The following GOLGA2 variants were observed in gnomAD, a reference collection of about 807,000 sequenced individuals.
GOLGA2 encodes golgin A2.
GOLGA2 carries 49 observed loss-of-function variants against 148.8 expected under a neutral mutation model. The observed-to-expected ratio is 0.33, with a 90% confidence interval of 0.26 to 0.42. The LOEUF (loss-of-function observed/expected upper bound fraction) is 0.42, where lower values mean the gene tolerates loss of function less well. Ranked by LOEUF, GOLGA2 falls within the 10% of genes least tolerant of loss-of-function variation. The probability of loss-of-function intolerance (pLI) is 1.00; values close to 1 mark genes in which losing one functional copy is unlikely to be tolerated. For synonymous variants in GOLGA2, 501 were observed against 511.8 expected, an observed-to-expected ratio of 0.98 and a Z score of 0.28; for missense variants, 1,178 against 1,304.6, an observed-to-expected ratio of 0.90 and a Z score of 1.49.
At chr9:128,268,358 A>G in intron 4 of GOLGA2, 62 bp downstream of exon 4, 1 of 1,088,294 alleles carries the variant, frequency 9.2e-7, no homozygotes, top group Non-Finnish European at 1.4e-6. Context: ...TGCCTGTGAA[A>G]GGAGAAGATA....
Position 128,260,050 on chromosome 9 carries a change from GC to G in GOLGA2, c.1872+25del. 1 of 1,523,442 alleles carries G rather than the reference GC, an allele frequency of 6.6e-7. No homozygotes were observed. The highest frequency in any genetic ancestry group is 9.1e-7 in the Non-Finnish European group (1 of 1,104,826). 94.4% of individuals were successfully genotyped at this position (1,523,442 alleles called of 1,614,324 possible). On this transcript the variant is annotated intron_variant, in intron 19 of 26. Coordinates refer to ENST00000611957, the MANE Select transcript of GOLGA2 (RefSeq NM_001366244.2). The surrounding 1 kb of genome is among the most constrained non-coding windows in gnomAD (Gnocchi z 4.8). ...CCCAGAGGCTGGTGCCCGCCTCCCA[GC>G]CCTTCTTGGATGGGGCGGGGTTACC... is the stretch of plus-strand genomic sequence containing the variant.
chr9:128,258,340 G>T lies in GOLGA2; in HGVS notation c.2289+115C>A. On this transcript the variant is annotated intron_variant, in intron 22 of 26. Coordinates refer to ENST00000611957, the MANE Select transcript of GOLGA2 (RefSeq NM_001366244.2). The surrounding 1 kb of genome is among the most constrained non-coding windows in gnomAD (Gnocchi z 6.6). Reference sequence around the variant, plus strand: ...AATGGTGTCTCACCACTGGCTCCCAGGAAAGGGGTGAGGGTCCGAAGAAAT... The same window carrying T: ...AATGGTGTCTCACCACTGGCTCCCATGAAAGGGGTGAGGGTCCGAAGAAAT... 1 of 1,176,656 alleles carries T rather than the reference G, an allele frequency of 8.5e-7. No homozygotes were observed. The highest frequency in any genetic ancestry group is 1.2e-6 in the Non-Finnish European group (1 of 801,564). 72.9% of individuals were successfully genotyped at this position (1,176,656 alleles called of 1,614,324 possible). A position where few individuals can be genotyped will look rare whatever the true frequency, so the allele number is the denominator to read the frequency against.
Position 128,257,549 on chromosome 9 carries a change from C to T in GOLGA2, c.2719-24G>A, listed in dbSNP as rs1038623863. 2 of 1,613,958 alleles carry T rather than the reference C, an allele frequency of 1.2e-6. No individual in the cohort carries two copies. The highest frequency in any genetic ancestry group is 1.7e-6 in the Non-Finnish European group (2 of 1,180,030). ...ACCTGGAGGGAGGGGTGCTAAGCTG[C>T]CATGCCCATGCCCGTGCCCACCTCC... is the stretch of plus-strand genomic sequence containing the variant. On this transcript the variant is annotated intron_variant, in intron 25 of 26. Transcript: ENST00000611957. The surrounding 1 kb of genome is among the most constrained non-coding windows in gnomAD (Gnocchi z 8.0).
In GOLGA2 at chr9:128,258,299, T is replaced by C; in HGVS notation, c.2290-101A>G. On this transcript the variant is annotated intron_variant, in intron 22 of 26. Coordinates refer to ENST00000611957, the MANE Select transcript of GOLGA2 (RefSeq NM_001366244.2). The surrounding 1 kb of genome is among the most constrained non-coding windows in gnomAD (Gnocchi z 6.6). ...CCCTTGGGGCCTCAGAGGGTGCACT[T>C]GTTGGTCCCAAGTGAAATGGTGTCT... 8.7e-7 allele frequency: 1 copy of C among 1,144,268 alleles called. No homozygotes were observed. Among genetic ancestry groups the C allele is most frequent in the Non-Finnish European group, 1.3e-6 (1 of 783,910 alleles). The allele number at this position is 1,144,268 out of a possible 1,614,324, so 70.9% of individuals were successfully genotyped here.
chr9:128,272,253 G>A (rs1588492551), intron 3 of GOLGA2, among the ~76,000 whole-genome samples: 1 of 151,832 alleles, frequency 6.6e-6, no homozygotes, highest in East Asian at 1.9e-4. Flanking sequence ...GGAGGCCAAG[G>A]TGGGTGGACC....
At chr9:128,262,012 T>A in intron 14 of GOLGA2, 1 of 471,846 alleles carries the variant, frequency 2.1e-6, no homozygotes, top group South Asian at 2.6e-5. Context: ...AAGACCAACC[T>A]CGGCAACATG....
At position 128,261,643 on chromosome 9, in the gene GOLGA2, A is replaced by T; in HGVS notation, c.1224+25T>A. ...GGCCACCTGGGGTCATCTTCCTTCT[A>T]CATCCCTCCCCTGCAAAGCCTCACC... On this transcript the variant is annotated intron_variant, in intron 15 of 26. Coordinates refer to ENST00000611957, the MANE Select transcript of GOLGA2 (RefSeq NM_001366244.2). This position sits in a 1 kb window ranked among gnomAD's most constrained non-coding sequence, Gnocchi z 5.7. 6.4e-7 allele frequency: 1 copy of T among 1,562,596 alleles called. No individual in the cohort carries two copies. Among genetic ancestry groups the T allele is most frequent in the Non-Finnish European group, 8.8e-7 (1 of 1,133,058 alleles).
chr9:128,266,185 T>C lies in GOLGA2; in HGVS notation c.681+102A>G. 1 of 1,374,672 alleles carries C rather than the reference T, an allele frequency of 7.3e-7. No homozygotes were observed. The highest frequency in any genetic ancestry group is 1.0e-6 in the Non-Finnish European group (1 of 962,816). 85.2% of individuals were successfully genotyped at this position (1,374,672 alleles called of 1,614,324 possible). On this transcript the variant is annotated intron_variant, in intron 9 of 26. Transcript: ENST00000611957. The surrounding 1 kb of genome is among the most constrained non-coding windows in gnomAD (Gnocchi z 4.2). ...GTGGAATCTGGGGGGGTGAGCCTTC[T>C]TCCCCAGGCTGGGAGTGGGTGAGAC...
chr9:128,265,556 C>CA lies in GOLGA2; in HGVS notation c.933+28dup, dbSNP rs1410700318. The CA allele has an allele frequency of 2.7e-6, 4 of 1,500,784 alleles. No individual in the cohort carries two copies. The African/African-American group carries it at 4.1e-5, about 15-fold the overall frequency. 93.0% of individuals were successfully genotyped at this position (1,500,784 alleles called of 1,614,324 possible). On this transcript the variant is annotated intron_variant, in intron 12 of 26. Transcript: ENST00000611957. Reference sequence around the variant, plus strand: ...TCCTCCATCTGGGAAGCCAGTATGCCAGGGGACGGGGCAGGCAGTTGGACT... The same window carrying CA: ...TCCTCCATCTGGGAAGCCAGTATGCCAAGGGGACGGGGCAGGCAGTTGGACT...
At chr9:128,259,109 A>T in intron 20 of GOLGA2, 27 bp from the exon 21 acceptor site, 1 of 1,605,144 alleles carries the variant, frequency 6.2e-7, no homozygotes, top group Non-Finnish European at 8.5e-7. Context: ...GAGAGTGAGA[A>T]GGCATGGAGG....
chr9:128,262,802 G>C, intron 13 of GOLGA2, 98 bp from the exon 14 acceptor site: 1 of 1,150,668 alleles, frequency 8.7e-7, no homozygotes, highest in South Asian at 1.4e-5. Flanking sequence ...ACAGAACTGT[G>C]GCACTGGAAG....
At chr9:128,268,754 C>A (rs1298105267) in intron 3 of GOLGA2, among the ~76,000 whole-genome samples, 10 of 152,214 alleles carry the variant, frequency 6.6e-5, no homozygotes, top group African/African-American at 9.7e-5. Flanking sequence ...CCTTCATGAA[C>A]ACGAGGACCT....
At chr9:128,267,359 G>A (rs1830655052) in intron 7 of GOLGA2, 85 bp from the exon 8 acceptor site, 1 of 1,401,342 alleles carries the variant, frequency 7.1e-7, no homozygotes, top group South Asian at 1.2e-5. Context: ...GGGGTGTGTG[G>A]GCTGTCTCAG....
chr9:128,275,627 T>G (rs1041060260), intron 1 of GOLGA2: 20 of 739,790 alleles, frequency 2.7e-5, no homozygotes, highest in Admixed American at 1.9e-4. Context: ...GAGGTCGGAC[T>G]TCGGGGGGCA....
At chr9:128,275,516 C>A (rs1279866588) in intron 1 of GOLGA2, 185 of 1,300,964 alleles carry the variant, frequency 1.4e-4, no homozygotes, top group African/African-American at 1.5e-5. Context: ...GAGTCTGGAG[C>A]GGGGGGCCCC....
chr9:128,276,003 A>C lies in GOLGA2; in HGVS notation c.-27T>G. ...AGCGCGATCCCGGCAACCACTGCGG[A>C]AGTCAGTCAGCCACCGCGCAGCTGT... On this transcript the variant is annotated 5_prime_UTR_variant, in exon 1 of 27. Transcript: ENST00000611957. 10 of 1,595,166 alleles carry C rather than the reference A, an allele frequency of 6.3e-6. No homozygotes were observed. The highest frequency in any genetic ancestry group is 8.6e-6 in the Non-Finnish European group (10 of 1,167,874).
chr9:128,267,851 C>A, intron 6 of GOLGA2, 83 bp downstream of exon 6: 1 of 1,119,312 alleles, frequency 8.9e-7, no homozygotes, highest in South Asian at 1.3e-5. Flanking sequence ...CAGGATCTTC[C>A]CTCTCTCTTG....
chr9:128,261,306 T>C lies in GOLGA2; in HGVS notation c.1333-47A>G, dbSNP rs191883404. 4.3e-4 allele frequency: 638 copies of C among 1,471,052 alleles called. 3 individuals are homozygous for C. Among genetic ancestry groups the C allele is most frequent in the South Asian group, 9.3e-4 (82 of 88,210 alleles). 91.1% of individuals were successfully genotyped at this position (1,471,052 alleles called of 1,614,324 possible). Reference sequence around the variant, plus strand: ...AGGGCCCTGGAGAGGGGCTGGTGGCTGGACAGGCTACCATCTCCCTCTGCC... The same window carrying C: ...AGGGCCCTGGAGAGGGGCTGGTGGCCGGACAGGCTACCATCTCCCTCTGCC... On this transcript the variant is annotated intron_variant, in intron 16 of 26. Coordinates refer to ENST00000611957, the MANE Select transcript of GOLGA2 (RefSeq NM_001366244.2). The surrounding 1 kb of genome is among the most constrained non-coding windows in gnomAD (Gnocchi z 5.7).
chr9:128,274,341 G>A (rs1164384251), intron 1 of GOLGA2, among the ~76,000 whole-genome samples: 2 of 152,078 alleles, frequency 1.3e-5, no homozygotes, highest in African/African-American at 2.4e-5. Flanking sequence ...TTACGGTTCC[G>A]AGGGGGACTG....
Sources: allele counts gnomAD v4.1 joint callset (sites outside exome capture counted in the v4.1 genomes callset), GRCh38; gene constraint gnomAD v4.1.1; non-coding constraint Gnocchi (gnomAD v3.1); transcripts MANE v1.5; gene names NCBI Gene and HGNC (gene_info 2026-07-23, HGNC 2026-07-21).